CTNNB1: variants seen among roughly 807,000 people sequenced by gnomAD.
The protein encoded by CTNNB1 is catenin beta-1.
CTNNB1 carries 6 observed loss-of-function variants against 82.5 expected under a neutral mutation model. The ratio of observed to expected loss-of-function variants is 0.07; its 90% CI spans 0.04 to 0.14. The LOEUF (loss-of-function observed/expected upper bound fraction) is 0.14. Among genes scored for constraint, CTNNB1 ranks in the 10% least tolerant of loss-of-function variants. The pLI is 1.00. For synonymous variants in CTNNB1, 312 were observed against 329.7 expected (o/e 0.95, Z 0.58); for missense variants, 529 against 980.4 (o/e 0.54, Z 6.15).
intron 1 of CTNNB1, among the ~76,000 whole-genome samples, chr3:41,209,090 G>A (rs1453718834): frequency 6.6e-6 from 1 of 152,104 alleles, no homozygotes; most frequent in Non-Finnish European, 1.5e-5. Context: ...CCTTTTCATT[G>A]GTTTCCAGGC....
At chr3:41,215,594 C>T (rs1044508109) in intron 1 of CTNNB1, among the ~76,000 whole-genome samples, 3 of 151,994 alleles carry the variant, frequency 2.0e-5, no homozygotes, top group Admixed American at 6.6e-5. Context: ...TGTCTCAGCC[C>T]TCACAGAGTT....
At chr3:41,210,800 T>C (rs972943811) in intron 1 of CTNNB1, among the ~76,000 whole-genome samples, 4 of 152,138 alleles carry the variant, frequency 2.6e-5, no homozygotes, top group Non-Finnish European at 4.4e-5. Flanking sequence ...GCTATACTTT[T>C]TTTTTTTGAG....
intron 11 of CTNNB1, 76 bp from the exon 12 acceptor site, chr3:41,236,273 T>A: frequency 6.4e-7 from 1 of 1,551,046 alleles, no homozygotes; most frequent in East Asian, 2.2e-5. Context: ...GAATTGGGAA[T>A]GTTTGCACCA....
At chr3:41,227,933 C>T (rs2078217113) in intron 7 of CTNNB1, among the ~76,000 whole-genome samples, 1 of 152,152 alleles carries the variant, frequency 6.6e-6, no homozygotes, top group South Asian at 2.1e-4. Flanking sequence ...CCCGTGTGTA[C>T]TCAGTGTTTA....
At chr3:41,238,160 G>A (rs1369881969) in intron 14 of CTNNB1, 84 bp downstream of exon 14, 9 of 1,232,164 alleles carry the variant, frequency 7.3e-6, no homozygotes, top group Non-Finnish European at 1.1e-5. Flanking sequence ...TGCTCATCTG[G>A]GAAACCAGTG....
intron 7 of CTNNB1, 74 bp downstream of exon 7, chr3:41,227,426 A>G (rs2125628826): frequency 2.0e-6 from 3 of 1,522,350 alleles, no homozygotes; most frequent in Non-Finnish European, 2.7e-6. Flanking sequence ...TCTTAGGAAA[A>G]GGTGGTAGAA....
chr3:41,229,113 C>T (rs944848347), intron 7 of CTNNB1, among the ~76,000 whole-genome samples: 4 of 152,086 alleles, frequency 2.6e-5, no homozygotes, highest in African/African-American at 9.7e-5. Flanking sequence ...CTTGTATTAA[C>T]AGTATAGCTT....
In CTNNB1 at chr3:41,239,799, T is replaced by G. The variant is rs1299165531; in HGVS notation, c.*457T>G. Reference sequence around the variant, plus strand: ...GGAACAATTGAAGTAAACTTTTTGTTCTGGTCCTTTTTGGTCGAGGAGTAA... The same window carrying G: ...GGAACAATTGAAGTAAACTTTTTGTGCTGGTCCTTTTTGGTCGAGGAGTAA... On this transcript the variant is annotated 3_prime_UTR_variant, in exon 15 of 15. Coordinates refer to ENST00000349496, the MANE Select transcript of CTNNB1 (RefSeq NM_001904.4). 3.5e-6 allele frequency: 1 copy of G among 285,194 alleles called. No homozygotes were observed. Among genetic ancestry groups the G allele is most frequent in the Non-Finnish European group, 6.7e-6 (1 of 149,176 alleles). The allele number at this position is 285,194 out of a possible 1,614,324, so 17.7% of individuals were successfully genotyped here.
chr3:41,237,870 G>A (rs1265925476), intron 13 of CTNNB1, 146 bp from the exon 14 acceptor site: 1 of 712,820 alleles, frequency 1.4e-6, no homozygotes, highest in Admixed American at 2.2e-5. Flanking sequence ...GAGTTTTGAA[G>A]AACTTCCATT....
intron 1 of CTNNB1, among the ~76,000 whole-genome samples, chr3:41,203,093 A>C (rs2077571553): frequency 7.0e-6 from 1 of 142,724 alleles, no homozygotes; most frequent in Admixed American, 7.2e-5. Flanking sequence ...GACATTCCCC[A>C]CTCTCCAAGT....
chr3:41,200,105 G>A (rs2077490917), intron 1 of CTNNB1: 1 of 152,276 alleles, frequency 6.6e-6, no homozygotes, highest in Admixed American at 6.5e-5. Context: ...CTCAGCTCTT[G>A]CGGCGAGTTG....
intron 1 of CTNNB1, among the ~76,000 whole-genome samples, chr3:41,208,873 CAAAA>C (rs753860430): frequency 6.6e-6 from 1 of 151,984 alleles, no homozygotes; most frequent in Non-Finnish European, 1.5e-5. Context: ...TATCCCATTA[CAAAA>C]AAAATTTTTT....
At position 41,225,936 on chromosome 3, in the gene CTNNB1, T is replaced by A; in HGVS notation, c.936+75T>A. ...AGTGTCATGTCATTCCATGCAGTGT[T>A]CCTAACCTTTTTGGCACCAGGGACC... On this transcript the variant is annotated intron_variant, in intron 6 of 14. Coordinates refer to ENST00000349496, the MANE Select transcript of CTNNB1 (RefSeq NM_001904.4). The surrounding 1 kb of genome is among the most constrained non-coding windows in gnomAD (Gnocchi z 5.3). The A allele has an allele frequency of 7.0e-7, 1 of 1,419,848 alleles. No homozygotes were observed. 88.0% of individuals were successfully genotyped at this position (1,419,848 alleles called of 1,614,324 possible).
intron 1 of CTNNB1, among the ~76,000 whole-genome samples, chr3:41,205,289 A>C (rs1403317639): frequency 1.3e-5 from 2 of 152,250 alleles, no homozygotes; most frequent in African/African-American, 4.8e-5. Context: ...ATTAAAAATT[A>C]ATTGAATATA....
intron 7 of CTNNB1, among the ~76,000 whole-genome samples, chr3:41,231,996 G>T (rs892100732): frequency 3.9e-5 from 6 of 152,148 alleles, no homozygotes; most frequent in Non-Finnish European, 8.8e-5. Context: ...TGACTTAAAA[G>T]GTCAGTAGGT....
intron 1 of CTNNB1, among the ~76,000 whole-genome samples, chr3:41,208,391 C>T (rs1288357961): frequency 1.3e-5 from 2 of 152,210 alleles, no homozygotes; most frequent in Admixed American, 1.3e-4. Context: ...TCTACCCTAA[C>T]TCAACTACAT....
intron 11 of CTNNB1, 115 bp from the exon 12 acceptor site, chr3:41,236,234 T>C (rs1258960840): frequency 2.5e-6 from 3 of 1,183,952 alleles, no homozygotes; most frequent in East Asian, 4.7e-5. Flanking sequence ...GAATATTATT[T>C]ACTACAGTGT....
Position 41,234,120 on chromosome 3 carries a change from TCTTC to T in CTNNB1, c.1525-14_1525-11del, listed in dbSNP as rs1187883908. The T allele has an allele frequency of 1.1e-5, 18 of 1,614,064 alleles. No homozygotes were observed. The highest frequency in any genetic ancestry group is 1.4e-5 in the Non-Finnish European group (17 of 1,180,016). On this transcript the variant is annotated splice_polypyrimidine_tract_variant and intron_variant, in intron 9 of 14. Transcript: ENST00000349496. ...TGATTTTGTTGAGTTGTATGCCAGTTCTTCCTTCTGTTTTTCAGGCTACTGTTGG... is the reference window on the plus strand; with the variant it reads ...TGATTTTGTTGAGTTGTATGCCAGTTCTTCTGTTTTTCAGGCTACTGTTGG...
At chr3:41,236,560 C>G (rs2078439203) in intron 12 of CTNNB1, 28 bp from the exon 13 acceptor site, 1 of 1,614,162 alleles carries the variant, frequency 6.2e-7, no homozygotes, top group Non-Finnish European at 8.5e-7. Context: ...AGTTTTTCCT[C>G]AAGGGCCTTT....
Sources: gnomAD v4.1 joint callset for allele counts (sites outside exome capture counted in the v4.1 genomes callset) on GRCh38, gnomAD v4.1.1 for gene constraint, Gnocchi (gnomAD v3.1) non-coding constraint, MANE v1.5 for transcripts, NCBI Gene and HGNC (gene_info 2026-07-23, HGNC 2026-07-21) for gene names.